The following CRTC1 variants were observed in gnomAD, a reference collection of about 807,000 sequenced individuals.
The protein encoded by CRTC1 is CREB regulated transcription coactivator 1.
In CRTC1, 18 loss-of-function variants were observed where a neutral mutation model predicts 66.1. That is an observed-to-expected ratio of 0.27 (90% CI 0.19 to 0.40). CRTC1 has a LOEUF of 0.40. Ranked by LOEUF, CRTC1 falls within the 10% of genes least tolerant of loss-of-function variation. The pLI, the probability that CRTC1 is intolerant of heterozygous loss-of-function variation, is 1.00. For missense variants in CRTC1, 669 were observed against 887.9 expected, an observed-to-expected ratio of 0.75 and a Z score of 3.13; for synonymous variants, 416 against 398.8, an observed-to-expected ratio of 1.04 and a Z score of -0.51.
In CRTC1 at chr19:18,758,380, GAAA is replaced by G. The variant is rs890669014; in HGVS notation, c.625-1165_625-1163del. 2.0e-5 allele frequency among the ~76,000 whole-genome samples: 3 copies of G among 149,696 alleles called. No individual in the cohort carries two copies. The South Asian group carries it at 6.4e-4, about 32-fold the overall frequency. The stretch of plus-strand genomic sequence containing the variant: ...GTCTCTAAAAAAAAAAAAAAAGAAA[GAAA>G]AAAAAGGCAGAGGAGCCCTTCCCGA... On this transcript the variant is annotated intron_variant, in intron 6 of 13. Transcript: ENST00000321949.
At chr19:18,698,109 G>A (rs1388058913) in intron 1 of CRTC1, among the ~76,000 whole-genome samples, 1 of 151,860 alleles carries the variant, frequency 6.6e-6, no homozygotes, top group Admixed American at 6.6e-5. Flanking sequence ...GTGCTCTGCA[G>A]GTGCACAGTT....
rs978929120 is a variant in CRTC1, at chr19:18,780,427, G to C, written c.*3045G>C. 8.6e-6 allele frequency: 2 copies of C among 232,166 alleles called. No individual in the cohort carries two copies. Among genetic ancestry groups the C allele is most frequent in the Admixed American group, 1.1e-4 (2 of 17,740 alleles). The allele number at this position is 232,166 out of a possible 1,614,324, so 14.4% of individuals were successfully genotyped here. A position where few individuals can be genotyped will look rare whatever the true frequency, so the allele number is the denominator to read the frequency against. On this transcript the variant is annotated 3_prime_UTR_variant, in exon 14 of 14. Transcript: ENST00000321949. ...TCAGCCTCTCTCTGTGTCCTCCAGA[G>C]AAGAGGGTTCTTTGCCCTCATCAGG...
At chr19:18,753,181 CAGG>C (rs2054406721) in intron 5 of CRTC1, among the ~76,000 whole-genome samples, 2 of 151,932 alleles carry the variant, frequency 1.3e-5, no homozygotes, top group Non-Finnish European at 2.9e-5. Flanking sequence ...GAGGCTGAGG[CAGG>C]AGAATGGCGT....
intron 13 of CRTC1, 51 bp downstream of exon 13, chr19:18,775,872 G>C (rs573601544): frequency 2.0e-6 from 3 of 1,502,684 alleles, no homozygotes; most frequent in Admixed American, 4.7e-5. Context: ...GCCTCAGCCC[G>C]TGCGGAGACA....
chr19:18,746,298 C>T (rs754527178), intron 3 of CRTC1, among the ~76,000 whole-genome samples: 3 of 152,180 alleles, frequency 2.0e-5, no homozygotes, highest in Non-Finnish European at 2.9e-5. Flanking sequence ...AGGGAGCCCA[C>T]AGTCAGGGCT....
At chr19:18,725,882 G>A (rs978312012) in intron 1 of CRTC1, among the ~76,000 whole-genome samples, 18 of 152,182 alleles carry the variant, frequency 1.2e-4, no homozygotes, top group African/African-American at 3.1e-4. Context: ...CGGGGCTGCC[G>A]GTCACCCTGG....
chr19:18,728,558 G>A (rs539517382), intron 1 of CRTC1, among the ~76,000 whole-genome samples: 8 of 151,192 alleles, frequency 5.3e-5, no homozygotes, highest in African/African-American at 1.7e-4. Flanking sequence ...CCCAGGCTGG[G>A]GTGCAATAGT....
intron 1 of CRTC1, among the ~76,000 whole-genome samples, chr19:18,727,580 CAAAAAA>C (rs60907638): frequency 3.3e-4 from 17 of 51,804 alleles, no homozygotes; most frequent in Admixed American, 1.0e-3. Context: ...GACTCTGTCT[CAAAAAA>C]AAAAAAAAAA....
chr19:18,707,575 A>G (rs1040359593), intron 1 of CRTC1, among the ~76,000 whole-genome samples: 2 of 152,126 alleles, frequency 1.3e-5, no homozygotes, highest in Admixed American at 6.5e-5. Context: ...TGTCTTGTCT[A>G]TTTCAGATTC....
At chr19:18,749,711 G>A in intron 4 of CRTC1, 70 bp from the exon 5 acceptor site, 4 of 1,304,604 alleles carry the variant, frequency 3.1e-6, no homozygotes, top group Non-Finnish European at 4.4e-6. Context: ...GCGTGTCCCA[G>A]CTGGGATCAG....
At chr19:18,725,514 C>T (rs2053729089) in intron 1 of CRTC1, among the ~76,000 whole-genome samples, 1 of 113,620 alleles carries the variant, frequency 8.8e-6, no homozygotes, top group Non-Finnish European at 1.8e-5. Flanking sequence ...GCCGTCCCCA[C>T]ACACGGGCCC....
rs183052176 is a variant in CRTC1 at position 18,725,724 on chromosome 19, G to A, written c.127-17186G>A. Among the ~76,000 whole-genome samples the A allele has an allele frequency of 6.2e-4, 95 of 152,302 alleles. No individual in the cohort carries two copies. The East Asian group carries it at 0.014, about 23-fold the overall frequency. On this transcript the variant is annotated intron_variant, in intron 1 of 13. Transcript: ENST00000321949. ...GTTAGGGGCTTCTTTCTCCTCTTCT[G>A]AGTCTAATTCTGTCTTTCTCGCGTG...
At chr19:18,726,482 T>C (rs1403402231) in intron 1 of CRTC1, among the ~76,000 whole-genome samples, 2 of 152,206 alleles carry the variant, frequency 1.3e-5, no homozygotes, top group Admixed American at 6.5e-5. Flanking sequence ...GGTGAGTGTA[T>C]GGGGTTGAAC....
rs116669736 is a variant in CRTC1 at position 18,698,207 on chromosome 19, G to A, written c.126+14379G>A. 3.9e-3 allele frequency among the ~76,000 whole-genome samples: 591 copies of A among 151,742 alleles called. 2 individuals are homozygous for A. The highest frequency in any genetic ancestry group is 0.013 in the African/African-American group (557 of 41,288). On this transcript the variant is annotated intron_variant, in intron 1 of 13. Transcript: ENST00000321949. ...CAGGCACACAGTGTATACTCAGCAA[G>A]TGCTTAGTAGGTGCACAGTGTGTAC... is the stretch of plus-strand genomic sequence containing the variant.
chr19:18,720,547 T>A (rs995364173), intron 1 of CRTC1, among the ~76,000 whole-genome samples: 19 of 133,408 alleles, frequency 1.4e-4, no homozygotes, highest in African/African-American at 5.5e-4. Flanking sequence ...TTTTTTTTTT[T>A]AGCAGAGATG....
intron 8 of CRTC1, among the ~76,000 whole-genome samples, chr19:18,764,672 T>C (rs1004225410): frequency 1.2e-4 from 18 of 152,070 alleles, no homozygotes; most frequent in Non-Finnish European, 1.9e-4. Flanking sequence ...GGAAGGATGT[T>C]AAGGAGTGAC....
intron 1 of CRTC1, among the ~76,000 whole-genome samples, chr19:18,739,388 A>G (rs78012382): frequency 0.012 from 1,877 of 152,344 alleles, 41 homozygotes; most frequent in African/African-American, 0.043. Flanking sequence ...GGGGTGGCCA[A>G]GCTGCCGCCT....
intron 1 of CRTC1, among the ~76,000 whole-genome samples, chr19:18,701,251 G>C (rs2053132202): frequency 6.6e-6 from 1 of 152,266 alleles, no homozygotes; most frequent in Non-Finnish European, 1.5e-5. Flanking sequence ...ATGCGCCTCT[G>C]TTGGCTCCTG....
At chr19:18,698,584 A>G (rs1166065387) in intron 1 of CRTC1, among the ~76,000 whole-genome samples, 1 of 151,820 alleles carries the variant, frequency 6.6e-6, no homozygotes, top group East Asian at 1.9e-4. Context: ...GCAGGCGCAC[A>G]GTGTATACTC....
Sources: gnomAD v4.1 joint callset for allele counts (sites outside exome capture counted in the v4.1 genomes callset) on GRCh38, gnomAD v4.1.1 for gene constraint, MANE v1.5 for transcripts, NCBI Gene and HGNC (gene_info 2026-07-23, HGNC 2026-07-21) for gene names.